CRY1: variants seen among roughly 807,000 people sequenced by gnomAD.
CRY1 encodes cryptochrome circadian regulator 1, also known as cryptochrome-1.
In CRY1, 45 loss-of-function variants were observed where a neutral mutation model predicts 76.0. The observed-to-expected ratio is 0.59, with a 90% CI of 0.47 to 0.76. The LOEUF is 0.76. Among genes scored for constraint, CRY1 ranks in the 30% least tolerant of loss-of-function variants. The probability of loss-of-function intolerance (pLI) is 0.00; values close to 1 mark genes in which losing one functional copy is unlikely to be tolerated. For missense variants in CRY1, 587 were observed against 716.4 expected (o/e 0.82, Z 2.06); for synonymous variants, 248 against 244.0 (o/e 1.02, Z -0.15).
chr12:107,039,347 T>C (rs1034959276), intron 1 of CRY1, among the ~76,000 whole-genome samples: 3 of 152,108 alleles, frequency 2.0e-5, no homozygotes, highest in African/African-American at 7.2e-5. Context: ...AACTAAAACC[T>C]TCTGCACAGC....
At chr12:107,043,302 G>C (rs1225906564) in intron 1 of CRY1, 3 of 152,420 alleles carry the variant, frequency 2.0e-5, no homozygotes, top group Non-Finnish European at 4.4e-5. Flanking sequence ...ATGTCTCCCT[G>C]AAGTCTAAGA....
rs1187558544 is a variant in CRY1, at chr12:107,040,342, A to G, written c.159-18150T>C. Among the ~76,000 whole-genome samples, 3 of 132,954 alleles carry G rather than the reference A, an allele frequency of 2.3e-5. No homozygotes were observed. In the Admixed American group the frequency reaches 2.7e-4, roughly 12 times the overall value. The allele number at this position is 132,954 out of a possible 152,430, so 87.2% of individuals were successfully genotyped here. A position where few individuals can be genotyped will look rare whatever the true frequency, so the allele number is the denominator to read the frequency against. ...GCTCTGTCACCCAGGCTGGAGGTGCAGTGGCACAATCTCGGCTCACTGCAA... is the reference window on the plus strand; with the variant it reads ...GCTCTGTCACCCAGGCTGGAGGTGCGGTGGCACAATCTCGGCTCACTGCAA... On this transcript the variant is annotated intron_variant, in intron 1 of 12. Transcript: ENST00000008527.
rs1039212866 is a variant in CRY1 at position 107,022,202 on chromosome 12, A to T, written c.159-10T>A. 1 of 1,432,586 alleles carries T rather than the reference A, an allele frequency of 7.0e-7. No individual in the cohort carries two copies. Among genetic ancestry groups the T allele is most frequent in the African/African-American group, 1.4e-5 (1 of 70,156 alleles). The allele number at this position is 1,432,586 out of a possible 1,614,324, so 88.7% of individuals were successfully genotyped here. A position where few individuals can be genotyped will look rare whatever the true frequency, so the allele number is the denominator to read the frequency against. ...ACACTGAAGCAAAAATCTAGAGAGA[A>T]GAAAGTATTATTTAAATTATTAAAA... On this transcript the variant is annotated splice_polypyrimidine_tract_variant and intron_variant, in intron 1 of 12. Coordinates refer to ENST00000008527, the MANE Select transcript of CRY1 (RefSeq NM_004075.5).
chr12:106,999,351 T>C (rs562876359), intron 7 of CRY1, among the ~76,000 whole-genome samples, 200 bp downstream of exon 7: 1 of 152,326 alleles, frequency 6.6e-6, no homozygotes, highest in African/African-American at 2.4e-5. Context: ...GGTTAATCAA[T>C]TTAACCAGTT....
chr12:107,070,507 T>C (rs1282648375), intron 1 of CRY1, among the ~76,000 whole-genome samples: 1 of 151,930 alleles, frequency 6.6e-6, no homozygotes, highest in Admixed American at 6.6e-5. Flanking sequence ...AATGCATTTA[T>C]GTATGGGAGA....
At chr12:107,029,271 AC>A (rs1256767194) in intron 1 of CRY1, among the ~76,000 whole-genome samples, 2 of 152,094 alleles carry the variant, frequency 1.3e-5, no homozygotes, top group African/African-American at 4.8e-5. Context: ...GCTTCTCCTT[AC>A]TAATTCCACT....
rs1267423073 is a variant in CRY1 at position 107,093,216 on chromosome 12, G to A, written c.-255C>T. The stretch of plus-strand genomic sequence containing the variant: ...CGCCCTTTAGGAGCCCGCGCCCGCC[G>A]CAACCGCCTGGAGGCGACGCATAAC... On this transcript the variant is annotated 5_prime_UTR_variant, in exon 1 of 13. Coordinates refer to ENST00000008527, the MANE Select transcript of CRY1 (RefSeq NM_004075.5). 2 of 425,624 alleles carry A rather than the reference G, an allele frequency of 4.7e-6. No homozygotes were observed. Among genetic ancestry groups the A allele is most frequent in the Non-Finnish European group, 4.1e-6 (1 of 242,290 alleles). The allele number at this position is 425,624 out of a possible 1,614,324, so 26.4% of individuals were successfully genotyped here.
intron 1 of CRY1, chr12:107,049,733 A>G (rs1952895746): frequency 6.6e-6 from 1 of 152,088 alleles, no homozygotes; most frequent in Non-Finnish European, 1.5e-5. Flanking sequence ...TTTAAAAAAT[A>G]TTTTCTCAGC....
chr12:107,019,409 G>C (rs1405262914), intron 2 of CRY1, among the ~76,000 whole-genome samples: 1 of 152,046 alleles, frequency 6.6e-6, no homozygotes, highest in Non-Finnish European at 1.5e-5. Flanking sequence ...AAAATAATAA[G>C]TACTATATGT....
intron 1 of CRY1, among the ~76,000 whole-genome samples, chr12:107,073,617 T>C (rs1953217417): frequency 6.6e-6 from 1 of 152,020 alleles, no homozygotes; most frequent in African/African-American, 2.4e-5. Context: ...TAATCCCAGC[T>C]ACCAGGGAGG....
At position 107,001,325 on chromosome 12, in the gene CRY1, T is replaced by G; in HGVS notation, c.639A>C (p.Gly213=). The change falls in exon 5 of 13, where the codon GGA becomes GGC. Residue 213 remains glycine, a synonymous_variant. Transcript: ENST00000008527. ...DGLSSAVWPG[G]ETEALTRLER... Reference sequence around the variant, plus strand: ...CCAAACGAGTAAGTGCTTCAGTTTCTCCACCTGGCCACACTGCAGAGGATA... The same window carrying G: ...CCAAACGAGTAAGTGCTTCAGTTTCGCCACCTGGCCACACTGCAGAGGATA... 1 of 1,613,754 alleles carries G rather than the reference T, an allele frequency of 6.2e-7. No homozygotes were observed. The highest frequency in any genetic ancestry group is 8.5e-7 in the Non-Finnish European group (1 of 1,179,858).
In CRY1 at chr12:107,000,355, T is replaced by TC. The variant is rs202053660; in HGVS notation, c.685-274_685-273insG. On this transcript the variant is annotated intron_variant, in intron 5 of 12. Transcript: ENST00000008527. ...TGAGAGCACCTTCAATCTCTCTCTC[T>TC]TTTTTTTTTTTCCTGAGACAGGGTC... Among the ~76,000 whole-genome samples, 79 of 146,056 alleles carry TC rather than the reference T, an allele frequency of 5.4e-4. No homozygotes were observed. The South Asian group carries it at 7.7e-3, about 14-fold the overall frequency.
intron 7 of CRY1, 112 bp from the exon 8 acceptor site, chr12:106,998,178 G>A: frequency 8.0e-7 from 1 of 1,251,940 alleles, no homozygotes; most frequent in Non-Finnish European, 1.1e-6. Flanking sequence ...GCACAGAATT[G>A]TAAAATTAAA....
intron 12 of CRY1, 68 bp downstream of exon 12, chr12:106,992,719 G>T: frequency 1.5e-6 from 2 of 1,299,300 alleles, no homozygotes; most frequent in African/African-American, 1.5e-5. Context: ...CTCCATTTTT[G>T]AAATTATCTT....
chr12:107,008,578 T>C (rs1254459116), intron 2 of CRY1, among the ~76,000 whole-genome samples: 1 of 152,248 alleles, frequency 6.6e-6, no homozygotes, highest in East Asian at 1.9e-4. Context: ...ATCCTTGTTT[T>C]TTCCTATCTT....
At chr12:107,010,486 C>G (rs1430713299) in intron 2 of CRY1, among the ~76,000 whole-genome samples, 3 of 152,196 alleles carry the variant, frequency 2.0e-5, no homozygotes. Flanking sequence ...CTGCACTAAG[C>G]AATTCTATTG....
chr12:107,068,510 C>T, intron 1 of CRY1, among the ~76,000 whole-genome samples: 1 of 152,038 alleles, frequency 6.6e-6, no homozygotes, highest in East Asian at 1.9e-4. Flanking sequence ...GTTGGTCAGG[C>T]TGGTCTCAAA....
At chr12:107,004,443 T>C (rs542127201) in intron 3 of CRY1, among the ~76,000 whole-genome samples, 4 of 152,176 alleles carry the variant, frequency 2.6e-5, no homozygotes, top group Non-Finnish European at 4.4e-5. Context: ...AAAAGGACAA[T>C]GGTATGCCAA....
chr12:106,995,147 C>G (rs1246078275), intron 10 of CRY1, among the ~76,000 whole-genome samples: 1 of 152,142 alleles, frequency 6.6e-6, no homozygotes, highest in Non-Finnish European at 1.5e-5. Context: ...GTTACCTAAT[C>G]TTTCTAGGAT....
Sources: gnomAD v4.1 joint callset for allele counts (sites outside exome capture counted in the v4.1 genomes callset) on GRCh38, gnomAD v4.1.1 for gene constraint, MANE v1.5 for transcripts, NCBI Gene and HGNC (gene_info 2026-07-23, HGNC 2026-07-21) for gene names.